Variants in MAP3K7 observed in about 807,000 individuals in gnomAD.
The protein encoded by MAP3K7 is mitogen-activated protein kinase kinase kinase 7.
MAP3K7 carries 21 observed loss-of-function variants against 84.8 expected under a neutral mutation model. The ratio of observed to expected loss-of-function variants is 0.25; its 90% confidence interval spans 0.18 to 0.36. MAP3K7 has a LOEUF of 0.36. MAP3K7 is among the 10% of genes least tolerant of loss of function. The probability of loss-of-function intolerance (pLI) is 1.00; values close to 1 mark genes in which losing one functional copy is unlikely to be tolerated. For synonymous variants in MAP3K7, 241 were observed against 247.7 expected, an observed-to-expected ratio of 0.97 and a Z score of 0.25; for missense variants, 503 against 747.7, an observed-to-expected ratio of 0.67 and a Z score of 3.82.
rs1008439360 is a variant in MAP3K7, at chr6:90,586,991, T to C, written c.-108A>G. The C allele has an allele frequency of 7.7e-7, 1 of 1,299,950 alleles. No individual in the cohort carries two copies. Among genetic ancestry groups the C allele is most frequent in the African/African-American group, 1.6e-5 (1 of 64,326 alleles). The allele number at this position is 1,299,950 out of a possible 1,614,324, so 80.5% of individuals were successfully genotyped here. On this transcript the variant is annotated 5_prime_UTR_variant, in exon 1 of 17. Coordinates refer to ENST00000369329, the MANE Select transcript of MAP3K7 (RefSeq NM_145331.3). The stretch of plus-strand genomic sequence containing the variant: ...CGACCCTCAGCCTGGAGCCGCGCAG[T>C]CCTACTACCCGGCGATCCGTGGCGG...
At chr6:90,523,011 A>T (rs1191512095) in intron 14 of MAP3K7, among the ~76,000 whole-genome samples, 1 of 152,200 alleles carries the variant, frequency 6.6e-6, no homozygotes, top group Non-Finnish European at 1.5e-5. Flanking sequence ...GGAAAAGTTA[A>T]TTCTACTATG....
intron 7 of MAP3K7, among the ~76,000 whole-genome samples, chr6:90,552,786 A>G (rs1275374896): frequency 2.0e-5 from 3 of 152,254 alleles, no homozygotes; most frequent in Non-Finnish European, 4.4e-5. Flanking sequence ...TACCAGAACT[A>G]TAAAAGAAAC....
At chr6:90,526,679 A>G in intron 13 of MAP3K7, among the ~76,000 whole-genome samples, 1 of 152,038 alleles carries the variant, frequency 6.6e-6, no homozygotes, top group Non-Finnish European at 1.5e-5. Flanking sequence ...GAAAAATAGT[A>G]AAAGATAGTA....
intron 1 of MAP3K7, among the ~76,000 whole-genome samples, chr6:90,582,810 T>C (rs1428995995): frequency 1.3e-5 from 2 of 152,182 alleles, no homozygotes; most frequent in African/African-American, 2.4e-5. Flanking sequence ...AACTGTTCTG[T>C]GTTTACTCCA....
rs560285196 is a variant in MAP3K7, at chr6:90,574,748, T to G, written c.121-2941A>C. On this transcript the variant is annotated intron_variant, in intron 1 of 16. Coordinates refer to ENST00000369329, the MANE Select transcript of MAP3K7 (RefSeq NM_145331.3). ...CTATTTGTAATTCACAAGTGCCACC[T>G]AGTGATGAGAGTAGAGCTGATTCTG... Among the ~76,000 whole-genome samples the G allele has an allele frequency of 6.6e-5, 10 of 152,304 alleles. 1 individual carries two copies. In the South Asian group the frequency reaches 1.9e-3, roughly 28 times the overall value.
intron 3 of MAP3K7, among the ~76,000 whole-genome samples, chr6:90,565,848 CA>C (rs562657401): frequency 1.2e-3 from 180 of 152,288 alleles, no homozygotes; most frequent in African/African-American, 4.1e-3. Flanking sequence ...AGCAGCCCAT[CA>C]AAAAGCTTAT....
intron 2 of MAP3K7, among the ~76,000 whole-genome samples, chr6:90,570,470 T>C (rs1488316582): frequency 1.3e-5 from 2 of 152,076 alleles, no homozygotes; most frequent in Non-Finnish European, 2.9e-5. Flanking sequence ...TCAATGACTA[T>C]CTCTTATCAT....
rs571221262 is a variant in MAP3K7 at position 90,557,216 on chromosome 6, A to T, written c.483-592T>A. On this transcript the variant is annotated intron_variant, in intron 5 of 16. Transcript: ENST00000369329. ...TTCTGGAAAATTTTCTGAACTTAAG[A>T]TTCGGACTTTCCTAGGTGTACTATT... 5.6e-4 allele frequency among the ~76,000 whole-genome samples: 85 copies of T among 152,282 alleles called. 1 individual carries two copies. Among genetic ancestry groups the T allele is most frequent in the African/African-American group, 1.9e-3 (78 of 41,578 alleles).
In MAP3K7 at chr6:90,515,634, C is replaced by A. The variant is rs1266043758; in HGVS notation, c.*867G>T. On this transcript the variant is annotated 3_prime_UTR_variant, in exon 17 of 17. Coordinates refer to ENST00000369329, the MANE Select transcript of MAP3K7 (RefSeq NM_145331.3). ...TTATTTTTCTTCATTTTTTTTTTTT[C>A]AAATACATGAGAAAACAATCCAAGA... 7.0e-6 allele frequency: 1 copy of A among 142,976 alleles called. No individual in the cohort carries two copies. Among genetic ancestry groups the A allele is most frequent in the Non-Finnish European group, 1.5e-5 (1 of 65,892 alleles). The allele number at this position is 142,976 out of a possible 1,614,324, so 8.9% of individuals were successfully genotyped here.
chr6:90,535,307 C>T (rs1399577618), intron 13 of MAP3K7, among the ~76,000 whole-genome samples: 1 of 151,540 alleles, frequency 6.6e-6, no homozygotes, highest in East Asian at 1.9e-4. Context: ...TAATAAAATA[C>T]CTTTTTAGGA....
At chr6:90,586,472 G>A (rs1042562585) in intron 1 of MAP3K7, among the ~76,000 whole-genome samples, 1 of 151,056 alleles carries the variant, frequency 6.6e-6, no homozygotes, top group African/African-American at 2.4e-5. Context: ...TTACAGATAC[G>A]AGAACTGGTG....
At chr6:90,534,203 C>G (rs1219226745) in intron 13 of MAP3K7, among the ~76,000 whole-genome samples, 1 of 152,196 alleles carries the variant, frequency 6.6e-6, no homozygotes, top group East Asian at 1.9e-4. Context: ...AAAAGGATGG[C>G]ACCTTCCAAT....
intron 13 of MAP3K7, among the ~76,000 whole-genome samples, chr6:90,535,202 GT>G (rs1475308859): frequency 2.0e-5 from 3 of 151,926 alleles, no homozygotes; most frequent in East Asian, 1.9e-4. Flanking sequence ...ATTTGAAGTG[GT>G]TTTTGGTAAG....
chr6:90,569,606 T>A (rs937295446), intron 2 of MAP3K7, among the ~76,000 whole-genome samples: 1 of 152,086 alleles, frequency 6.6e-6, no homozygotes, highest in African/African-American at 2.4e-5. Context: ...GCCTCTGGAG[T>A]AGCTGGGACT....
At chr6:90,559,027 A>T in intron 5 of MAP3K7, among the ~76,000 whole-genome samples, 1 of 152,206 alleles carries the variant, frequency 6.6e-6, no homozygotes, top group East Asian at 1.9e-4. Flanking sequence ...AAAAAGGATG[A>T]CTGAATATTC....
At chr6:90,542,396 T>C in intron 12 of MAP3K7, 1 of 982,084 alleles carries the variant, frequency 1.0e-6, no homozygotes, top group Non-Finnish European at 1.2e-6. Context: ...ATAAAAGGTA[T>C]TACTGAATAA....
In MAP3K7 at chr6:90,587,059, CT is replaced by C; in HGVS notation, c.-177del. Reference sequence around the variant, plus strand: ...ACAGCCGTGTCCGGCTCTGGCTCCGCTGCGTTTTCCGCCGACGGGCCCCGCC... The same window carrying C: ...ACAGCCGTGTCCGGCTCTGGCTCCGCGCGTTTTCCGCCGACGGGCCCCGCC... On this transcript the variant is annotated 5_prime_UTR_variant, in exon 1 of 17. Coordinates refer to ENST00000369329, the MANE Select transcript of MAP3K7 (RefSeq NM_145331.3). 1 of 703,504 alleles carries C rather than the reference CT, an allele frequency of 1.4e-6. No homozygotes were observed. The highest frequency in any genetic ancestry group is 2.1e-6 in the Non-Finnish European group (1 of 476,258). 43.6% of individuals were successfully genotyped at this position (703,504 alleles called of 1,614,324 possible).
chr6:90,569,009 G>A (rs549084765), intron 2 of MAP3K7, among the ~76,000 whole-genome samples: 19 of 152,230 alleles, frequency 1.2e-4, no homozygotes, highest in South Asian at 2.1e-4. Flanking sequence ...CAAACCAGAC[G>A]TCATGCTATC....
intron 12 of MAP3K7, chr6:90,536,770 C>T (rs543217924): frequency 2.7e-4 from 49 of 181,312 alleles, no homozygotes; most frequent in African/African-American, 1.0e-3. Flanking sequence ...AAGGGCCTTA[C>T]GTTACAGTTT....
Sources: allele counts gnomAD v4.1 joint callset (sites outside exome capture counted in the v4.1 genomes callset), GRCh38; gene constraint gnomAD v4.1.1; transcripts MANE v1.5; gene names NCBI Gene and HGNC (gene_info 2026-07-23, HGNC 2026-07-21).